CSMD1: variants seen among roughly 807,000 people sequenced by gnomAD.
The protein encoded by CSMD1 is CUB and Sushi multiple domains 1, also known as CUB and sushi domain-containing protein 1.
A neutral mutation model predicts 417.5 loss-of-function variants in CSMD1; 213 were observed. That is an observed-to-expected ratio of 0.51 (90% CI 0.46 to 0.57). The LOEUF (loss-of-function observed/expected upper bound fraction) is 0.57. Ranked by LOEUF, CSMD1 falls within the 20% of genes least tolerant of loss-of-function variation. CSMD1 has a pLI of 0.00. For synonymous variants in CSMD1, 2,862 were observed against 1,736.8 expected, an observed-to-expected ratio of 1.65 and a Z score of -16.11; for missense variants, 6,923 against 4,529.7, an observed-to-expected ratio of 1.53 and a Z score of -15.17.
chr8:3,520,009 T>C (rs1460556910), intron 10 of CSMD1, among the ~76,000 whole-genome samples: 1 of 146,468 alleles, frequency 6.8e-6, no homozygotes, highest in African/African-American at 2.6e-5. Flanking sequence ...TATGTGTGTG[T>C]GTGTATATAC....
intron 5 of CSMD1, among the ~76,000 whole-genome samples, chr8:3,872,201 G>C (rs1335830275): frequency 6.6e-6 from 1 of 152,146 alleles, no homozygotes; most frequent in Admixed American, 6.6e-5. Context: ...GGAAATGTGA[G>C]ATCGTATACT....
intron 3 of CSMD1, among the ~76,000 whole-genome samples, chr8:4,217,072 G>C (rs1480329500): frequency 3.3e-5 from 5 of 152,148 alleles, no homozygotes; most frequent in African/African-American, 1.2e-4. Flanking sequence ...TCCTGTGTCT[G>C]TTATACAATA....
At chr8:3,382,786 T>G (rs1810720150) in intron 18 of CSMD1, among the ~76,000 whole-genome samples, 1 of 151,828 alleles carries the variant, frequency 6.6e-6, no homozygotes, top group Non-Finnish European at 1.5e-5. Flanking sequence ...CTATTTTTGG[T>G]TGTCTGACCC....
intron 10 of CSMD1, among the ~76,000 whole-genome samples, chr8:3,546,737 C>G (rs1401558443): frequency 6.6e-6 from 1 of 152,132 alleles, no homozygotes; most frequent in Non-Finnish European, 1.5e-5. Flanking sequence ...AAAGGAGCTG[C>G]AGAAATCAGC....
chr8:3,138,583 G>C (rs1330401742), intron 41 of CSMD1, among the ~76,000 whole-genome samples: 1 of 152,206 alleles, frequency 6.6e-6, no homozygotes, highest in Non-Finnish European at 1.5e-5. Context: ...CCTGGTCGGA[G>C]TACTCAGACA....
intron 1 of CSMD1, among the ~76,000 whole-genome samples, chr8:4,825,881 G>C (rs898896055): frequency 1.3e-5 from 2 of 151,762 alleles, no homozygotes; most frequent in African/African-American, 4.8e-5. Flanking sequence ...ATAAGCACAT[G>C]AAAAGGTGCT....
chr8:4,893,085 C>T (rs952636067), intron 1 of CSMD1, among the ~76,000 whole-genome samples: 5 of 152,068 alleles, frequency 3.3e-5, no homozygotes, highest in East Asian at 1.9e-4. Flanking sequence ...CTCCAGGGCT[C>T]GTCACTGGAT....
intron 2 of CSMD1, among the ~76,000 whole-genome samples, chr8:4,620,734 G>A (rs751828400): frequency 2.6e-5 from 4 of 151,852 alleles, no homozygotes; most frequent in Admixed American, 6.6e-5. Context: ...ACTATAAAAT[G>A]TTTGGCAAAT....
chr8:4,314,069 C>G (rs1362193297), intron 3 of CSMD1, among the ~76,000 whole-genome samples: 2 of 151,630 alleles, frequency 1.3e-5, no homozygotes, highest in Non-Finnish European at 2.9e-5. Context: ...GTTAAACTTG[C>G]TTTCTTTCTG....
intron 8 of CSMD1, among the ~76,000 whole-genome samples, chr8:3,586,891 C>T (rs910780686): frequency 6.6e-5 from 10 of 152,312 alleles, no homozygotes; most frequent in East Asian, 3.9e-4. Context: ...CCTCCGCCTC[C>T]GGGGTTCAAG....
chr8:4,593,309 A>T (rs959245101), intron 2 of CSMD1, among the ~76,000 whole-genome samples: 4 of 152,242 alleles, frequency 2.6e-5, no homozygotes, highest in Non-Finnish European at 4.4e-5. Context: ...ACGCATACAT[A>T]GCAAATTAAT....
At chr8:3,933,906 G>A (rs184687563) in intron 5 of CSMD1, among the ~76,000 whole-genome samples, 3 of 151,950 alleles carry the variant, frequency 2.0e-5, no homozygotes, top group Admixed American at 6.6e-5. Flanking sequence ...AGGCCACCTA[G>A]TAAATATGGG....
intron 5 of CSMD1, among the ~76,000 whole-genome samples, chr8:3,934,456 G>T (rs917513209): frequency 6.6e-6 from 1 of 152,144 alleles, no homozygotes; most frequent in Non-Finnish European, 1.5e-5. Context: ...AATTTTCAAA[G>T]TAAATGAATG....
At chr8:3,806,790 A>G (rs548887885) in intron 5 of CSMD1, among the ~76,000 whole-genome samples, 22 of 152,220 alleles carry the variant, frequency 1.4e-4, no homozygotes, top group African/African-American at 2.2e-4. Flanking sequence ...TAGCTACTAA[A>G]TACTAGGTGC....
intron 8 of CSMD1, among the ~76,000 whole-genome samples, chr8:3,589,710 G>C (rs1320615666): frequency 6.6e-6 from 1 of 152,100 alleles, no homozygotes; most frequent in Non-Finnish European, 1.5e-5. Flanking sequence ...GTTAATAACA[G>C]CATATTGTAT....
chr8:3,932,968 G>C (rs749666379), intron 5 of CSMD1, among the ~76,000 whole-genome samples: 2 of 147,044 alleles, frequency 1.4e-5, no homozygotes, highest in Admixed American at 6.7e-5. Context: ...TAAATTTTTT[G>C]CTTTCTAATA....
At chr8:3,588,560 T>C (rs1211608627) in intron 8 of CSMD1, among the ~76,000 whole-genome samples, 1 of 152,160 alleles carries the variant, frequency 6.6e-6, no homozygotes, top group East Asian at 1.9e-4. Context: ...TCCTTAGTCA[T>C]GGAGGGCTCT....
At chr8:4,013,023 T>G (rs547496701) in intron 4 of CSMD1, among the ~76,000 whole-genome samples, 9 of 152,196 alleles carry the variant, frequency 5.9e-5, no homozygotes, top group Non-Finnish European at 2.9e-5. Flanking sequence ...GATTTTCTAA[T>G]AGGTTTTTTA....
At chr8:3,273,945 T>C (rs1802074104) in intron 26 of CSMD1, among the ~76,000 whole-genome samples, 1 of 152,096 alleles carries the variant, frequency 6.6e-6, no homozygotes, top group Non-Finnish European at 1.5e-5. Context: ...TACTCTGATT[T>C]TAGTTATTTC....
Sources: gnomAD v4.1 joint callset for allele counts (sites outside exome capture counted in the v4.1 genomes callset) on GRCh38, gnomAD v4.1.1 for gene constraint, MANE v1.5 for transcripts, NCBI Gene and HGNC (gene_info 2026-07-23, HGNC 2026-07-21) for gene names.